OSR2: variants seen among roughly 807,000 people sequenced by gnomAD.
The protein encoded by OSR2 is odd-skipped related transciption factor 2, also known as protein odd-skipped-related 2.
OSR2 carries 8 observed loss-of-function variants against 22.3 expected under a neutral mutation model. The ratio of observed to expected loss-of-function variants is 0.36; its 90% CI spans 0.21 to 0.65. OSR2 has a LOEUF of 0.65. OSR2 is among the 30% of genes least tolerant of loss of function. The pLI is 0.66. For synonymous variants in OSR2, 179 were observed against 173.8 expected (o/e 1.03, Z -0.23); for missense variants, 311 against 413.4 (o/e 0.75, Z 2.15).
intron 3 of OSR2, chr8:98,950,971 T>G: frequency 1.7e-6 from 1 of 603,288 alleles, no homozygotes; most frequent in Non-Finnish European, 2.9e-6. Context: ...GCCACTTTGA[T>G]TATCATAAAT....
chr8:98,946,769 C>A (rs1274907938), intron 1 of OSR2, among the ~76,000 whole-genome samples: 1 of 152,140 alleles, frequency 6.6e-6, no homozygotes, highest in Non-Finnish European at 1.5e-5. Context: ...CCGCTCCCCC[C>A]TCCCCAACGC....
chr8:98,949,646 C>A lies in OSR2; in HGVS notation c.656+38C>A, dbSNP rs139966789. 3.2e-5 allele frequency: 50 copies of A among 1,579,500 alleles called. No homozygotes were observed. In the African/African-American group the frequency reaches 5.7e-4, roughly 18 times the overall value. Reference sequence around the variant, plus strand: ...AGGAGGATGGCTGGGAGAGGGAAAGCGAATTTGTCCTGGACACACCGAGTC... The same window carrying A: ...AGGAGGATGGCTGGGAGAGGGAAAGAGAATTTGTCCTGGACACACCGAGTC... On this transcript the variant is annotated intron_variant, in intron 2 of 3. Coordinates refer to ENST00000297565, the MANE Select transcript of OSR2 (RefSeq NM_001142462.3). This position sits in a 1 kb window ranked among gnomAD's most constrained non-coding sequence, Gnocchi z 5.9.
At chr8:98,946,742 A>ACCACTCCCCCACATGC (rs1183647929) in intron 1 of OSR2, among the ~76,000 whole-genome samples, 16 of 152,094 alleles carry the variant, frequency 1.1e-4, no homozygotes, top group African/African-American at 3.9e-4. Context: ...TTTAGCCAAC[A>ACCACTCCCCCACATGC]CCACTCCCCC....
chr8:98,950,891 C>T (rs772393041), intron 3 of OSR2, 136 bp downstream of exon 3: 4 of 690,588 alleles, frequency 5.8e-6, no homozygotes, highest in South Asian at 3.2e-5. Context: ...AAAAGCAACA[C>T]TTGATTTCTT....
At position 98,949,770 on chromosome 8, in the gene OSR2, C is replaced by G. The variant is rs989393996; in HGVS notation, c.656+162C>G. ...GTTCAGCTAATTCCCAACATCTACC[C>G]TTTCTTTCCCCCAGCGGCTCTTGCT... is the stretch of plus-strand genomic sequence containing the variant. On this transcript the variant is annotated intron_variant, in intron 2 of 3. Coordinates refer to ENST00000297565, the MANE Select transcript of OSR2 (RefSeq NM_001142462.3). This position sits in a 1 kb window ranked among gnomAD's most constrained non-coding sequence, Gnocchi z 5.9. Among the ~76,000 whole-genome samples, 3 of 152,232 alleles carry G rather than the reference C, an allele frequency of 2.0e-5. No homozygotes were observed. Among genetic ancestry groups the G allele is most frequent in the African/African-American group, 7.2e-5 (3 of 41,464 alleles).
At position 98,948,317 on chromosome 8, in the gene OSR2, G is replaced by C; in HGVS notation, c.-114-522G>C. On this transcript the variant is annotated intron_variant, in intron 1 of 3. Transcript: ENST00000297565. The surrounding 1 kb of genome is among the most constrained non-coding windows in gnomAD (Gnocchi z 6.0). ...GCCGGCTTGCCATCCGGGTAAGCGC[G>C]GGAAAGGCGGCCACAGGGCGCGGCG... 1 of 1,524,668 alleles carries C rather than the reference G, an allele frequency of 6.6e-7. No homozygotes were observed. Among genetic ancestry groups the C allele is most frequent in the Admixed American group, 2.0e-5 (1 of 49,970 alleles). 94.4% of individuals were successfully genotyped at this position (1,524,668 alleles called of 1,614,324 possible).
In OSR2 at chr8:98,948,354, C is replaced by T. The variant is rs1482828986; in HGVS notation, c.-114-485C>T. 3 of 1,518,798 alleles carry T rather than the reference C, an allele frequency of 2.0e-6. No individual in the cohort carries two copies. The highest frequency in any genetic ancestry group is 1.4e-5 in the African/African-American group (1 of 71,978). The allele number at this position is 1,518,798 out of a possible 1,614,324, so 94.1% of individuals were successfully genotyped here. ...CACAGGGCGCGGCGGCAGCGCAGCG[C>T]GTGGGATCTCACGACCCATCCGTTA... On this transcript the variant is annotated intron_variant, in intron 1 of 3. Transcript: ENST00000297565. The surrounding 1 kb of genome is among the most constrained non-coding windows in gnomAD (Gnocchi z 6.0).
At chr8:98,950,386 A>G (rs1339585318) in intron 2 of OSR2, among the ~76,000 whole-genome samples, 1 of 152,214 alleles carries the variant, frequency 6.6e-6, no homozygotes, top group Non-Finnish European at 1.5e-5. Context: ...ATGGAGGCCA[A>G]GAAAGGCCCG....
At position 98,948,621 on chromosome 8, in the gene OSR2, C is replaced by T. The variant is rs567753154; in HGVS notation, c.-114-218C>T. 30 of 981,686 alleles carry T rather than the reference C, an allele frequency of 3.1e-5. No individual in the cohort carries two copies. The East Asian group carries it at 6.2e-4, about 20-fold the overall frequency. 60.8% of individuals were successfully genotyped at this position (981,686 alleles called of 1,614,324 possible). A position where few individuals can be genotyped will look rare whatever the true frequency, so the allele number is the denominator to read the frequency against. On this transcript the variant is annotated intron_variant, in intron 1 of 3. Coordinates refer to ENST00000297565, the MANE Select transcript of OSR2 (RefSeq NM_001142462.3). This position sits in a 1 kb window ranked among gnomAD's most constrained non-coding sequence, Gnocchi z 6.0. ...ACTTTCTTTCCTTTGGGCACGCGCT[C>T]GCCAGTGGAGCACTTCTTGTTCTGG...
chr8:98,950,836 T>C (rs1481125326), intron 3 of OSR2, 81 bp downstream of exon 3: 1 of 873,786 alleles, frequency 1.1e-6, no homozygotes, highest in Non-Finnish European at 1.9e-6. Flanking sequence ...AATGGCAGAC[T>C]CTTTCTCTTA....
intron 2 of OSR2, among the ~76,000 whole-genome samples, chr8:98,950,316 C>G (rs967098979): frequency 2.6e-5 from 4 of 152,254 alleles, no homozygotes; most frequent in African/African-American, 9.6e-5. Flanking sequence ...AAAATTAGCA[C>G]TTCTAAACTC....
Position 98,948,554 on chromosome 8 carries a change from C to A in OSR2, c.-114-285C>A. The A allele has an allele frequency of 1.6e-6, 2 of 1,257,026 alleles. No homozygotes were observed. Among genetic ancestry groups the A allele is most frequent in the Non-Finnish European group, 2.1e-6 (2 of 944,278 alleles). 77.9% of individuals were successfully genotyped at this position (1,257,026 alleles called of 1,614,324 possible). A position where few individuals can be genotyped will look rare whatever the true frequency, so the allele number is the denominator to read the frequency against. On this transcript the variant is annotated intron_variant, in intron 1 of 3. Coordinates refer to ENST00000297565, the MANE Select transcript of OSR2 (RefSeq NM_001142462.3). This position sits in a 1 kb window ranked among gnomAD's most constrained non-coding sequence, Gnocchi z 6.0. ...TGTCCGCCTTTCGTTTTCCTGGGAC[C>A]GAGGAGTCTTCCGCTCCGTATCTGC...
In OSR2 at chr8:98,951,614, C is replaced by A. The variant is rs376220308; in HGVS notation, c.852C>A (p.Tyr284Ter). The change falls in exon 4 of 4, where the codon TAC (tyrosine) becomes TAA (stop). Residue 284 changes from tyrosine (Y) to a stop codon, truncating the protein, a stop_gained. Transcript: ENST00000297565. LOFTEE classifies it high-confidence loss of function. Reference sequence around the variant, plus strand: ...TCACCCATACAGACATCAAGCCCTACAGCTGCGAGCAGTGCGGCAAAGTGT... The same window carrying A: ...TCACCCATACAGACATCAAGCCCTAAAGCTGCGAGCAGTGCGGCAAAGTGT... Reference protein sequence around the residue: ...HLLTHTDIKPYSCEQCGKVFR... With the variant: ...HLLTHTDIKP 1.2e-6 allele frequency: 2 copies of A among 1,613,884 alleles called. No homozygotes were observed. Among genetic ancestry groups the A allele is most frequent in the African/African-American group, 2.7e-5 (2 of 74,940 alleles).
At position 98,944,651 on chromosome 8, in the gene OSR2, A is replaced by G. The variant is rs1449459533; in HGVS notation, c.-287A>G. Reference sequence around the variant, plus strand: ...TCCACAGACTCTGACGAAGACGTGGATCTGCTCTCGCTTTAGCTGCTCGCG... The same window carrying G: ...TCCACAGACTCTGACGAAGACGTGGGTCTGCTCTCGCTTTAGCTGCTCGCG... On this transcript the variant is annotated 5_prime_UTR_variant, in exon 1 of 4. Coordinates refer to ENST00000297565, the MANE Select transcript of OSR2 (RefSeq NM_001142462.3). 2.0e-5 allele frequency: 3 copies of G among 152,218 alleles called. No homozygotes were observed. Among genetic ancestry groups the G allele is most frequent in the African/African-American group, 7.2e-5 (3 of 41,458 alleles). 9.4% of individuals were successfully genotyped at this position (152,218 alleles called of 1,614,324 possible). A position where few individuals can be genotyped will look rare whatever the true frequency, so the allele number is the denominator to read the frequency against.
In OSR2 at chr8:98,948,026, C is replaced by T; in HGVS notation, c.-114-813C>T. ...CTCAGGGACGTTCTCCGCCCCCACC[C>T]CACCCCCTGGGAGCCTGAACCATCT... is the stretch of plus-strand genomic sequence containing the variant. On this transcript the variant is annotated intron_variant, in intron 1 of 3. Coordinates refer to ENST00000297565, the MANE Select transcript of OSR2 (RefSeq NM_001142462.3). This position sits in a 1 kb window ranked among gnomAD's most constrained non-coding sequence, Gnocchi z 6.0. The T allele has an allele frequency of 1.0e-6, 1 of 983,648 alleles. No individual in the cohort carries two copies. The highest frequency in any genetic ancestry group is 3.7e-5 in the South Asian group (1 of 27,216). 60.9% of individuals were successfully genotyped at this position (983,648 alleles called of 1,614,324 possible). A position where few individuals can be genotyped will look rare whatever the true frequency, so the allele number is the denominator to read the frequency against.
Position 98,950,737 on chromosome 8 carries a change from C to T in OSR2, c.738C>T (p.His246=), listed in dbSNP as rs1226978364. 6.2e-7 allele frequency: 1 copy of T among 1,610,728 alleles called. No homozygotes were observed. Among genetic ancestry groups the T allele is most frequent in the African/African-American group, 1.3e-5 (1 of 74,842 alleles). ...GTCAGTCTAGAACTCTAGCAGTTCA[C>T]AAAACTTTACACATGCAGGTAAGTT... is the stretch of plus-strand genomic sequence containing the variant. The part of the protein sequence containing the change: ...GFCQSRTLAV[H]KTLHMQESPH... The change falls in exon 3 of 4, where the codon CAC becomes CAT. Residue 246 remains histidine, a synonymous_variant. Transcript: ENST00000297565.
intron 1 of OSR2, chr8:98,946,151 A>C (rs1840607635): frequency 6.6e-6 from 1 of 152,266 alleles, no homozygotes; most frequent in Non-Finnish European, 1.5e-5. Context: ...AAAGAAAAGT[A>C]GCCTCAGCTC....
intron 3 of OSR2, 103 bp downstream of exon 3, chr8:98,950,858 T>G: frequency 1.3e-6 from 1 of 756,482 alleles, no homozygotes; most frequent in Non-Finnish European, 2.3e-6. Flanking sequence ...AAGGCTCTAT[T>G]TAGATTAGTT....
chr8:98,948,964 G>C lies in OSR2; in HGVS notation c.12G>C (p.Lys4Asn). ...CAGCATCCCGGAAAATGGGGAGCAA[G>C]GCTCTGCCAGCGCCCATCCCGCTCC... MGSKALPAPIPLHP... is the reference protein window; with the variant it reads MGSNALPAPIPLHP... Residue 4 changes from lysine to asparagine, a missense_variant, in exon 2 of 4, where the codon AAG becomes AAC. Physicochemically the swap from Lys to Asn is moderately conservative, Grantham distance 94. Coordinates refer to ENST00000297565, the MANE Select transcript of OSR2 (RefSeq NM_001142462.3). The surrounding 1 kb of genome is among the most constrained non-coding windows in gnomAD (Gnocchi z 6.0). The C allele has an allele frequency of 6.2e-7, 1 of 1,613,968 alleles. No individual in the cohort carries two copies. Among genetic ancestry groups the C allele is most frequent in the Non-Finnish European group, 8.5e-7 (1 of 1,179,908 alleles).
Sources: allele counts gnomAD v4.1 joint callset (sites outside exome capture counted in the v4.1 genomes callset), GRCh38; gene constraint gnomAD v4.1.1; non-coding constraint Gnocchi (gnomAD v3.1); transcripts MANE v1.5; gene names NCBI Gene and HGNC (gene_info 2026-07-23, HGNC 2026-07-21).